MMP16: variants seen among roughly 807,000 people sequenced by gnomAD.
MMP16 encodes matrix metalloproteinase-16.
Under a neutral mutation model 67.8 loss-of-function variants are expected in MMP16, and 12 were observed. The ratio of observed to expected loss-of-function variants is 0.18; its 90% CI spans 0.11 to 0.29. MMP16 has a LOEUF of 0.29. Among genes scored for constraint, MMP16 ranks in the 10% least tolerant of loss-of-function variants. The pLI, the probability that MMP16 is intolerant of heterozygous loss-of-function variation, is 1.00. For missense variants in MMP16, 475 were observed against 765.7 expected, an observed-to-expected ratio of 0.62 and a Z score of 4.48; for synonymous variants, 249 against 255.9, an observed-to-expected ratio of 0.97 and a Z score of 0.26.
At chr8:88,284,881 A>G (rs1209280981) in intron 1 of MMP16, among the ~76,000 whole-genome samples, 1 of 145,482 alleles carries the variant, frequency 6.9e-6, no homozygotes, top group African/African-American at 2.6e-5. Flanking sequence ...TCTTCCCCCT[A>G]GTGTCGTCTA....
chr8:88,318,729 T>C (rs1469181388), intron 1 of MMP16, among the ~76,000 whole-genome samples: 5 of 152,152 alleles, frequency 3.3e-5, no homozygotes, highest in Non-Finnish European at 7.4e-5. Flanking sequence ...CTCACAAGAT[T>C]ATGATAAGAA....
intron 6 of MMP16, among the ~76,000 whole-genome samples, chr8:88,095,271 T>C (rs377434007): frequency 6.6e-6 from 1 of 151,800 alleles, no homozygotes; most frequent in African/African-American, 2.4e-5. Context: ...AATGTGTGTG[T>C]GTTTTTGTTG....
At chr8:88,129,178 G>A (rs1807986354) in intron 4 of MMP16, among the ~76,000 whole-genome samples, 2 of 151,738 alleles carry the variant, frequency 1.3e-5, no homozygotes, top group South Asian at 4.1e-4. Context: ...CTATATTCAA[G>A]TAAACTGCTT....
At chr8:88,164,695 C>T (rs1362129527) in intron 4 of MMP16, among the ~76,000 whole-genome samples, 1 of 151,952 alleles carries the variant, frequency 6.6e-6, no homozygotes, top group African/African-American at 2.4e-5. Context: ...GACATAGTTT[C>T]CTCCAAATAA....
At chr8:88,156,215 T>C (rs1345113210) in intron 4 of MMP16, among the ~76,000 whole-genome samples, 1 of 152,090 alleles carries the variant, frequency 6.6e-6, no homozygotes, top group Non-Finnish European at 1.5e-5. Context: ...GCTGGTCAAA[T>C]AATCTTTTCA....
intron 1 of MMP16, among the ~76,000 whole-genome samples, chr8:88,231,515 A>G (rs1221020456): frequency 6.6e-6 from 1 of 152,208 alleles, no homozygotes; most frequent in Non-Finnish European, 1.5e-5. Context: ...TCTAGAAATG[A>G]AAGTCCAGCA....
At position 88,058,174 on chromosome 8, in the gene MMP16, A is replaced by G. The variant is rs548215285; in HGVS notation, c.1223-1896T>C. 2.0e-5 allele frequency among the ~76,000 whole-genome samples: 3 copies of G among 152,252 alleles called. No individual in the cohort carries two copies. Among genetic ancestry groups the G allele is most frequent in the African/African-American group, 7.2e-5 (3 of 41,568 alleles). ...GATCAGTAATTTGTAATAAGCAAGT[A>G]TAAAATCTTTGCAAATCAACATAAT... On this transcript the variant is annotated intron_variant, in intron 7 of 9. Transcript: ENST00000286614. The surrounding 1 kb of genome is among the most constrained non-coding windows in gnomAD (Gnocchi z 4.2).
At chr8:88,257,158 T>G (rs1288964149) in intron 1 of MMP16, among the ~76,000 whole-genome samples, 1 of 152,168 alleles carries the variant, frequency 6.6e-6, no homozygotes, top group Non-Finnish European at 1.5e-5. Flanking sequence ...CTATACTGAG[T>G]CTACTCATAG....
chr8:88,075,616 T>C (rs1808635470), intron 6 of MMP16, among the ~76,000 whole-genome samples: 1 of 152,074 alleles, frequency 6.6e-6, no homozygotes, highest in South Asian at 2.1e-4. Context: ...AAATTTGAAA[T>C]AAATGAAAGG....
At chr8:88,090,752 A>G (rs1438715423) in intron 6 of MMP16, among the ~76,000 whole-genome samples, 11 of 151,954 alleles carry the variant, frequency 7.2e-5, no homozygotes, top group Admixed American at 7.2e-4. Context: ...ATTTAATTCC[A>G]AAGCTGAAGC....
chr8:88,111,312 T>C (rs1352925575), intron 6 of MMP16, among the ~76,000 whole-genome samples: 4 of 151,768 alleles, frequency 2.6e-5, no homozygotes, highest in Admixed American at 6.6e-5. Context: ...TTCATATATC[T>C]AGACCAATGC....
At chr8:88,118,322 G>A (rs1809473455) in intron 5 of MMP16, among the ~76,000 whole-genome samples, 1 of 151,844 alleles carries the variant, frequency 6.6e-6, no homozygotes, top group Admixed American at 6.6e-5. Context: ...TTGTAGAAAA[G>A]TCTCAGCATT....
chr8:88,323,353 C>G (rs764558590), intron 1 of MMP16, among the ~76,000 whole-genome samples: 1 of 152,052 alleles, frequency 6.6e-6, no homozygotes, highest in Non-Finnish European at 1.5e-5. Flanking sequence ...GCAGGCAAAC[C>G]TGACAAAGGT....
intron 1 of MMP16, among the ~76,000 whole-genome samples, chr8:88,250,833 T>C (rs1810202567): frequency 6.6e-6 from 1 of 151,660 alleles, no homozygotes; most frequent in African/African-American, 2.4e-5. Flanking sequence ...TTGTGCAGGT[T>C]AGTTACATAC....
At chr8:88,292,050 T>A (rs1330377023) in intron 1 of MMP16, among the ~76,000 whole-genome samples, 2 of 152,214 alleles carry the variant, frequency 1.3e-5, no homozygotes, top group Non-Finnish European at 2.9e-5. Flanking sequence ...TCAGCTTGGA[T>A]ACAAAGTCCA....
At chr8:88,067,704 A>C (rs1808481519) in intron 7 of MMP16, among the ~76,000 whole-genome samples, 1 of 152,150 alleles carries the variant, frequency 6.6e-6, no homozygotes, top group South Asian at 2.1e-4. Context: ...ATTATTTCAC[A>C]GCAAAATTAT....
chr8:88,324,117 A>G (rs866479056), intron 1 of MMP16, among the ~76,000 whole-genome samples: 2 of 152,180 alleles, frequency 1.3e-5, no homozygotes, highest in Non-Finnish European at 2.9e-5. Flanking sequence ...ATGAAAGTAG[A>G]GCAGTGTATT....
intron 1 of MMP16, among the ~76,000 whole-genome samples, chr8:88,303,395 G>C (rs551985595): frequency 3.3e-5 from 5 of 152,280 alleles, no homozygotes; most frequent in African/African-American, 9.6e-5. Context: ...GCCAGCTCTG[G>C]AGAGTCTAGC....
At position 88,041,620 on chromosome 8, in the gene MMP16, C is replaced by T. The variant is rs1184067793; in HGVS notation, c.1665G>A (p.Leu555=). The T allele has an allele frequency of 1.9e-6, 3 of 1,614,076 alleles. No individual in the cohort carries two copies. Among genetic ancestry groups the T allele is most frequent in the Admixed American group, 1.7e-5 (1 of 59,976 alleles). ...CTTTCACAGTGCTGGCTGTGTTGTC[C>T]AGTTTGATGACAATGTCTACATCAT... The part of the protein sequence containing the change: ...PPDDVDIVIK[L]DNTASTVKAI... Residue 555 remains leucine, a synonymous_variant, in exon 10 of 10, where the codon CTG becomes CTA. Transcript: ENST00000286614. The surrounding 1 kb of genome is among the most constrained non-coding windows in gnomAD (Gnocchi z 6.0).
Sources: gnomAD v4.1 joint callset for allele counts (sites outside exome capture counted in the v4.1 genomes callset) on GRCh38, gnomAD v4.1.1 for gene constraint, Gnocchi (gnomAD v3.1) non-coding constraint, MANE v1.5 for transcripts, NCBI Gene and HGNC (gene_info 2026-07-23, HGNC 2026-07-21) for gene names.